ZDHHC13: variants seen among roughly 807,000 people sequenced by gnomAD.
ZDHHC13 encodes the protein zDHHC palmitoyltransferase 13.
ZDHHC13 carries 85 observed loss-of-function variants against 86.0 expected under a neutral mutation model. That is an observed-to-expected ratio of 0.99 (90% CI 0.83 to 1.18). ZDHHC13 has a LOEUF of 1.18. Among genes scored for constraint, ZDHHC13 ranks in the 50% most tolerant of loss-of-function variants. The pLI, the probability that ZDHHC13 is intolerant of heterozygous loss-of-function variation, is 0.00. For missense variants in ZDHHC13, 711 were observed against 730.2 expected (o/e 0.97, Z 0.30); for synonymous variants, 263 against 246.4 (o/e 1.07, Z -0.63).
intron 15 of ZDHHC13, among the ~76,000 whole-genome samples, chr11:19,171,264 A>C (rs1850213500): frequency 1.3e-5 from 2 of 152,144 alleles, no homozygotes. Context: ...ATCCCCTATG[A>C]GCCTAACCTA....
At chr11:19,128,943 T>C (rs1371738793) in intron 1 of ZDHHC13, among the ~76,000 whole-genome samples, 1 of 152,218 alleles carries the variant, frequency 6.6e-6, no homozygotes, top group Non-Finnish European at 1.5e-5. Flanking sequence ...TGTAATATGC[T>C]ATACTGCCCA....
chr11:19,139,065 G>T (rs1028567206), intron 1 of ZDHHC13, among the ~76,000 whole-genome samples: 1 of 152,052 alleles, frequency 6.6e-6, no homozygotes, highest in African/African-American at 2.4e-5. Flanking sequence ...TCTGGCCAGG[G>T]CAATTAGGTA....
chr11:19,157,660 C>T (rs977399929), intron 9 of ZDHHC13, among the ~76,000 whole-genome samples: 4 of 152,320 alleles, frequency 2.6e-5, no homozygotes, highest in African/African-American at 9.6e-5. Flanking sequence ...CACCAGGGAT[C>T]AGAGTCATCA....
chr11:19,124,584 A>G (rs1237265153), intron 1 of ZDHHC13, among the ~76,000 whole-genome samples: 1 of 152,040 alleles, frequency 6.6e-6, no homozygotes, highest in Non-Finnish European at 1.5e-5. Context: ...CCTGTTACTT[A>G]TTGAGATTCT....
At chr11:19,122,408 C>CTTA (rs147177321) in intron 1 of ZDHHC13, among the ~76,000 whole-genome samples, 194 of 151,410 alleles carry the variant, frequency 1.3e-3, no homozygotes, top group African/African-American at 3.4e-3. Flanking sequence ...TTTGCTTGTG[C>CTTA]TTATTATTAT....
chr11:19,149,859 G>C (rs1236739218), intron 5 of ZDHHC13, among the ~76,000 whole-genome samples: 1 of 152,218 alleles, frequency 6.6e-6, no homozygotes, highest in African/African-American at 2.4e-5. Flanking sequence ...TTTTCTGGTA[G>C]CAAAGTAGTT....
intron 8 of ZDHHC13, among the ~76,000 whole-genome samples, chr11:19,153,232 G>A (rs1303302810): frequency 6.6e-6 from 1 of 152,120 alleles, no homozygotes; most frequent in African/African-American, 2.4e-5. Flanking sequence ...TAGCAATTCT[G>A]TGTGGTGTTC....
At chr11:19,157,048 G>A (rs1024201673) in intron 9 of ZDHHC13, among the ~76,000 whole-genome samples, 1 of 152,200 alleles carries the variant, frequency 6.6e-6, no homozygotes, top group Non-Finnish European at 1.5e-5. Flanking sequence ...CTGGGGCCTT[G>A]GCCCTTGCTT....
chr11:19,169,181 A>T (rs754544577), intron 14 of ZDHHC13: 17 of 985,358 alleles, frequency 1.7e-5, no homozygotes, highest in Non-Finnish European at 1.9e-5. Flanking sequence ...ATAAACTGAA[A>T]GAAAATAGAT....
chr11:19,152,814 C>A lies in ZDHHC13; in HGVS notation c.873+130C>A. ...CATTATATCTGCTGACTATATCTTT[C>A]CCCCGCATCCTATTACCCAAAGTTG... On this transcript the variant is annotated intron_variant, in intron 8 of 16. Transcript: ENST00000446113. 5.0e-6 allele frequency: 7 copies of A among 1,396,376 alleles called. No individual in the cohort carries two copies. In the South Asian group the frequency reaches 7.8e-5, roughly 16 times the overall value. 86.5% of individuals were successfully genotyped at this position (1,396,376 alleles called of 1,614,324 possible). A position where few individuals can be genotyped will look rare whatever the true frequency, so the allele number is the denominator to read the frequency against.
Position 19,163,303 on chromosome 11 carries a change from A to G in ZDHHC13, c.1109A>G (p.Asp370Gly), listed in dbSNP as rs764253691. 2.5e-6 allele frequency: 4 copies of G among 1,579,862 alleles called. No individual in the cohort carries two copies. The highest frequency in any genetic ancestry group is 3.4e-6 in the Non-Finnish European group (4 of 1,168,902). Residue 370 changes from aspartate to glycine, a missense_variant and splice_region_variant, in exon 11 of 17, where the codon GAT (aspartate) becomes GGT (glycine). Physicochemically the swap from Asp to Gly is moderately conservative, Grantham distance 94. Transcript: ENST00000446113. ...GTGTATTCCTTAACTTGGCTTTAACATTTAGCAGGAGCCCCTTTCTATTTC... is the reference window on the plus strand; with the variant it reads ...GTGTATTCCTTAACTTGGCTTTAACGTTTAGCAGGAGCCCCTTTCTATTTC... Reference protein sequence around the residue: ...FMTWFILFFPDLAGAPFYFSF... With the variant: ...FMTWFILFFPGLAGAPFYFSF...
At chr11:19,146,160 C>CA in intron 2 of ZDHHC13, 21 bp from the exon 3 acceptor site, 1 of 1,429,728 alleles carries the variant, frequency 7.0e-7, no homozygotes, top group South Asian at 1.4e-5. Flanking sequence ...ATCAATTATG[C>CA]TTTTTTTTTT....
intron 14 of ZDHHC13, chr11:19,167,652 A>G (rs1307575573): frequency 6.6e-6 from 1 of 152,196 alleles, no homozygotes; most frequent in East Asian, 1.9e-4. Context: ...TCACTAGGCA[A>G]TGCTTTTGTA....
At chr11:19,174,672 A>G (rs1295534128) in intron 16 of ZDHHC13, among the ~76,000 whole-genome samples, 1 of 152,276 alleles carries the variant, frequency 6.6e-6, no homozygotes, top group African/African-American at 2.4e-5. Flanking sequence ...TTAATGGAGA[A>G]AAAATGATGC....
chr11:19,170,512 C>G lies in ZDHHC13; in HGVS notation c.1576C>G (p.Leu526Val), dbSNP rs1285284618. 2.0e-6 allele frequency: 3 copies of G among 1,530,574 alleles called. No homozygotes were observed. Among genetic ancestry groups the G allele is most frequent in the Non-Finnish European group, 2.6e-6 (3 of 1,141,640 alleles). 94.8% of individuals were successfully genotyped at this position (1,530,574 alleles called of 1,614,324 possible). ...CSPWVLYILM[L>V]ATFHFSWSTF... is the part of the protein sequence containing the mutation. ...CCCTTGGGTTTTATATATCTTGATG[C>G]TAGCAACTTTCCATTTCTCATGGTC... The change falls in exon 15 of 17, where the codon CTA becomes GTA. Residue 526 changes from leucine to valine, a missense_variant. By Grantham distance (32) the Leu-to-Val change is conservative. Coordinates refer to ENST00000446113, the MANE Select transcript of ZDHHC13 (RefSeq NM_019028.3).
At chr11:19,155,972 A>G (rs1470395996) in intron 9 of ZDHHC13, 43 bp downstream of exon 9, 1 of 1,557,674 alleles carries the variant, frequency 6.4e-7, no homozygotes, top group African/African-American at 1.4e-5. Context: ...TGTGTTTCTG[A>G]TTTTATTTCT....
rs182085372 is a variant in ZDHHC13, at chr11:19,122,939, T to C, written c.27+5663T>C. 1.1e-3 allele frequency among the ~76,000 whole-genome samples: 171 copies of C among 152,326 alleles called. 1 individual carries two copies. Among genetic ancestry groups the C allele is most frequent in the African/African-American group, 4.0e-3 (167 of 41,576 alleles). On this transcript the variant is annotated intron_variant, in intron 1 of 16. Coordinates refer to ENST00000446113, the MANE Select transcript of ZDHHC13 (RefSeq NM_019028.3). Reference sequence around the variant, plus strand: ...TTTTTAGGTTTTACTTTGATCTGCATGCGGGTAAACAATGATGACATGAAC... The same window carrying C: ...TTTTTAGGTTTTACTTTGATCTGCACGCGGGTAAACAATGATGACATGAAC...
intron 1 of ZDHHC13, among the ~76,000 whole-genome samples, chr11:19,128,767 G>T (rs563862122): frequency 5.9e-5 from 9 of 152,124 alleles, no homozygotes; most frequent in Non-Finnish European, 1.2e-4. Context: ...TGAAAGCTAG[G>T]TAACTTTATT....
Position 19,166,395 on chromosome 11 carries a change from A to G in ZDHHC13, c.1474+10A>G, listed in dbSNP as rs749215989. 1.2e-6 allele frequency: 2 copies of G among 1,601,014 alleles called. No individual in the cohort carries two copies. Among genetic ancestry groups the G allele is most frequent in the East Asian group, 4.5e-5 (2 of 44,548 alleles). On this transcript the variant is annotated intron_variant, in intron 14 of 16. Coordinates refer to ENST00000446113, the MANE Select transcript of ZDHHC13 (RefSeq NM_019028.3). ...TATGGATCTTTCATCTGTAAGTGTAAATTTTTCTTACAACAAGCACATACA... is the reference window on the plus strand; with the variant it reads ...TATGGATCTTTCATCTGTAAGTGTAGATTTTTCTTACAACAAGCACATACA...
Sources: gnomAD v4.1 joint callset for allele counts (sites outside exome capture counted in the v4.1 genomes callset) on GRCh38, gnomAD v4.1.1 for gene constraint, MANE v1.5 for transcripts, NCBI Gene and HGNC (gene_info 2026-07-23, HGNC 2026-07-21) for gene names.